The following FANCM variants were observed in gnomAD, a reference collection of about 807,000 sequenced individuals.
The protein encoded by FANCM is Fanconi anemia group M protein.
Under a neutral mutation model 199.5 loss-of-function variants are expected in FANCM, and 140 were observed. That is an observed-to-expected ratio of 0.70 (90% CI 0.61 to 0.81). FANCM has a LOEUF of 0.81. FANCM is among the 30% of genes least tolerant of loss of function. FANCM has a pLI of 0.00. For synonymous variants in FANCM, 840 were observed against 836.8 expected (o/e 1.00, Z -0.07); for missense variants, 2,410 against 2,421.4 (o/e 1.00, Z 0.10).
chr14:45,188,832 G>T lies in FANCM; in HGVS notation c.4810G>T (p.Asp1604Tyr). 6.2e-7 allele frequency: 1 copy of T among 1,613,022 alleles called. No homozygotes were observed. The highest frequency in any genetic ancestry group is 8.5e-7 in the Non-Finnish European group (1 of 1,179,632). Residue 1604 changes from aspartate to tyrosine, a missense_variant, in exon 20 of 23, where the codon GAT becomes TAT. Physicochemically the swap from Asp to Tyr is radical, Grantham distance 160. Coordinates refer to ENST00000267430, the MANE Select transcript of FANCM (RefSeq NM_020937.4). ...TGAACAAGATGAAACCTATTTAGAG[G>T]ATAGTTTTTGTGTTGATGAAGAGGA... is the stretch of plus-strand genomic sequence containing the variant. ...IPEQDETYLE[D>Y]SFCVDEEESC...
At chr14:45,143,690 ATTTTT>A (rs869298490) in intron 3 of FANCM, among the ~76,000 whole-genome samples, 1 of 123,974 alleles carries the variant, frequency 8.1e-6, no homozygotes, top group African/African-American at 3.3e-5. Flanking sequence ...TTGAGTAAGG[ATTTTT>A]TTTTTTTTTT....
intron 9 of FANCM, among the ~76,000 whole-genome samples, chr14:45,160,939 A>G (rs1381848437): frequency 1.3e-5 from 2 of 152,026 alleles, no homozygotes; most frequent in Admixed American, 1.3e-4. Flanking sequence ...TGAAAATAAT[A>G]CTTTTGCCTA....
chr14:45,162,937 T>C (rs1289129139), intron 9 of FANCM, among the ~76,000 whole-genome samples: 2 of 152,182 alleles, frequency 1.3e-5, no homozygotes, highest in African/African-American at 2.4e-5. Context: ...TTAATGTCAG[T>C]ACAAATTCCA....
At chr14:45,144,540 G>C (rs1469582733) in intron 3 of FANCM, among the ~76,000 whole-genome samples, 1 of 152,180 alleles carries the variant, frequency 6.6e-6, no homozygotes, top group African/African-American at 2.4e-5. Flanking sequence ...CTGCAGCTAA[G>C]CTTGCACTCA....
rs1271195801 is a variant in FANCM at position 45,196,435 on chromosome 14, A to G, written c.5604A>G (p.Gln1868=). The part of the protein sequence containing the change: ...SNRMVVERRS[Q]SEMLNSVNKN... ...GCATGGTGGTGGAAAGGAGGTCTCAATCTGAGATGTTAAATAGTGTCAATA... is the reference window on the plus strand; with the variant it reads ...GCATGGTGGTGGAAAGGAGGTCTCAGTCTGAGATGTTAAATAGTGTCAATA... The change falls in exon 21 of 23, where the codon CAA becomes CAG. Residue 1868 remains glutamine (Q), a synonymous_variant. Coordinates refer to ENST00000267430, the MANE Select transcript of FANCM (RefSeq NM_020937.4). 5.6e-6 allele frequency: 9 copies of G among 1,614,188 alleles called. No homozygotes were observed. The highest frequency in any genetic ancestry group is 2.2e-5 in the South Asian group (2 of 91,082).
intron 21 of FANCM, among the ~76,000 whole-genome samples, 200 bp downstream of exon 21, chr14:45,196,747 T>A (rs1218584993): frequency 6.6e-6 from 1 of 152,146 alleles, no homozygotes; most frequent in Admixed American, 6.5e-5. Flanking sequence ...AAATGAAGGG[T>A]TGGAAACTGA....
chr14:45,147,618 A>G (rs1420543784), intron 3 of FANCM, among the ~76,000 whole-genome samples: 1 of 151,962 alleles, frequency 6.6e-6, no homozygotes, highest in African/African-American at 2.4e-5. Flanking sequence ...TTTTGTTTGG[A>G]CACCATGGCT....
At chr14:45,185,937 T>C (rs1462972527) in intron 18 of FANCM, among the ~76,000 whole-genome samples, 1 of 152,164 alleles carries the variant, frequency 6.6e-6, no homozygotes, top group Non-Finnish European at 1.5e-5. Flanking sequence ...CTTACTCTGT[T>C]GCCCAGAGTA....
chr14:45,136,975 C>T, intron 1 of FANCM, 94 bp from the exon 2 acceptor site: 1 of 953,470 alleles, frequency 1.0e-6, no homozygotes, highest in South Asian at 1.3e-5. Flanking sequence ...TTAATGTTAC[C>T]AAAGCATGTT....
intron 8 of FANCM, among the ~76,000 whole-genome samples, chr14:45,157,140 G>T (rs1887255671): frequency 6.6e-6 from 1 of 151,798 alleles, no homozygotes; most frequent in African/African-American, 2.4e-5. Context: ...ACTTTTATTT[G>T]TCAATTAAAA....
At chr14:45,141,281 C>G in intron 3 of FANCM, among the ~76,000 whole-genome samples, 1 of 135,314 alleles carries the variant, frequency 7.4e-6, no homozygotes, top group Admixed American at 7.4e-5. Flanking sequence ...GAGCGAGGCT[C>G]CGTCTCAAAA....
At chr14:45,199,711 C>T (rs189856816) in intron 22 of FANCM, among the ~76,000 whole-genome samples, 159 bp from the exon 23 acceptor site, 2 of 152,314 alleles carry the variant, frequency 1.3e-5, no homozygotes, top group African/African-American at 4.8e-5. Flanking sequence ...AAACAAGTAG[C>T]TCTTTTATCC....
rs1327494974 is a variant in FANCM at position 45,183,889 on chromosome 14, A to G, written c.4502A>G (p.Gln1501Arg). 6.2e-7 allele frequency: 1 copy of G among 1,610,072 alleles called. No individual in the cohort carries two copies. Among genetic ancestry groups the G allele is most frequent in the East Asian group, 2.2e-5 (1 of 44,674 alleles). ...AGAGGCATCAAAGTCCCAAAGAGAC[A>G]GAGTCACTTAAAGGTAATCTTTTTT... ...ARRGIKVPKRQSHLKHVARKF... is the reference protein window; with the variant it reads ...ARRGIKVPKRRSHLKHVARKF... The change falls in exon 17 of 23, where the codon CAG (glutamine) becomes CGG (arginine). Residue 1501 changes from glutamine to arginine, a missense_variant. Gln to Arg is a conservative substitution (Grantham distance 43). Coordinates refer to ENST00000267430, the MANE Select transcript of FANCM (RefSeq NM_020937.4).
At chr14:45,185,143 A>G (rs1161236409) in intron 17 of FANCM, 74 bp from the exon 18 acceptor site, 2 of 1,045,238 alleles carry the variant, frequency 1.9e-6, no homozygotes, top group Non-Finnish European at 2.9e-6. Flanking sequence ...TCAGTTTTCC[A>G]GAATTATTTC....
chr14:45,148,863 G>T lies in FANCM; in HGVS notation c.786G>T (p.Leu262=). Residue 262 remains leucine (L), a synonymous_variant, in exon 4 of 23, where the codon CTG becomes CTT. Transcript: ENST00000267430. ...CTGTGCAACAAGTTATTACTAACCT[G>T]CTAATTGGGCAGATAGAGCTTCGTT... is the stretch of plus-strand genomic sequence containing the variant. The part of the protein sequence containing the change: ...IKAVQQVITN[L]LIGQIELRSE... 2 of 1,610,082 alleles carry T rather than the reference G, an allele frequency of 1.2e-6. No homozygotes were observed. The highest frequency in any genetic ancestry group is 8.5e-7 in the Non-Finnish European group (1 of 1,176,860).
At chr14:45,158,405 G>A (rs1026101134) in intron 8 of FANCM, among the ~76,000 whole-genome samples, 1 of 152,182 alleles carries the variant, frequency 6.6e-6, no homozygotes, top group South Asian at 2.1e-4. Context: ...TCTTATTAGT[G>A]CATTCTACTG....
Position 45,175,137 on chromosome 14 carries a change from A to G in FANCM, c.2383A>G (p.Ile795Val), listed in dbSNP as rs748155447. The change falls in exon 14 of 23, where the codon ATT (isoleucine) becomes GTT (valine). Residue 795 changes from isoleucine (I) to valine (V), a missense_variant. Ile to Val is a conservative substitution (Grantham distance 29). Transcript: ENST00000267430. ...LQMEDVTSTF[I>V]APRNESNNLA... Reference sequence around the variant, plus strand: ...AATGGAAGATGTTACCTCAACATTTATTGCTCCCAGGAATGAATCTAATAA... The same window carrying G: ...AATGGAAGATGTTACCTCAACATTTGTTGCTCCCAGGAATGAATCTAATAA... The G allele has an allele frequency of 6.2e-7, 1 of 1,612,256 alleles. No homozygotes were observed. Among genetic ancestry groups the G allele is most frequent in the Non-Finnish European group, 8.5e-7 (1 of 1,178,932 alleles).
chr14:45,158,581 G>A (rs1264014575), intron 8 of FANCM, among the ~76,000 whole-genome samples: 1 of 152,160 alleles, frequency 6.6e-6, no homozygotes, highest in Admixed American at 6.5e-5. Flanking sequence ...TTAGTGAACA[G>A]AAAGGAAAGG....
chr14:45,157,794 A>G (rs190102067), intron 8 of FANCM, among the ~76,000 whole-genome samples: 102 of 152,380 alleles, frequency 6.7e-4, no homozygotes, highest in Non-Finnish European at 1.2e-3. Context: ...AATTAACTTT[A>G]TATTTAATAA....
Sources: gnomAD v4.1 joint callset for allele counts (sites outside exome capture counted in the v4.1 genomes callset) on GRCh38, gnomAD v4.1.1 for gene constraint, MANE v1.5 for transcripts, NCBI Gene and HGNC (gene_info 2026-07-23, HGNC 2026-07-21) for gene names.